The following SP140 variants were observed in gnomAD, a reference collection of about 807,000 sequenced individuals.
SP140 encodes SP140 nuclear body protein.
Under a neutral mutation model 125.0 loss-of-function variants are expected in SP140, and 81 were observed. That is an observed-to-expected ratio of 0.65 (90% CI 0.54 to 0.78). The LOEUF (loss-of-function observed/expected upper bound fraction) is 0.78. SP140 is among the 30% of genes least tolerant of loss of function. SP140 has a pLI of 0.00. For synonymous variants in SP140, 312 were observed against 354.0 expected, an observed-to-expected ratio of 0.88 and a Z score of 1.33; for missense variants, 858 against 1,037.0, an observed-to-expected ratio of 0.83 and a Z score of 2.37.
chr2:230,277,519 G>T (rs2054900682), intron 15 of SP140, among the ~76,000 whole-genome samples: 1 of 152,088 alleles, frequency 6.6e-6, no homozygotes, highest in Non-Finnish European at 1.5e-5. Context: ...TATTGCAGTG[G>T]TCTGAAACCA....
Position 230,247,653 on chromosome 2 carries a change from G to A in SP140, c.743-263G>A, listed in dbSNP as rs115158798. ...TCTACTTTAAATCAATAACTACTTG[G>A]GGTCATAAGGATTAAATCTATTTTT... On this transcript the variant is annotated intron_variant, in intron 7 of 26. Coordinates refer to ENST00000392045, the MANE Select transcript of SP140 (RefSeq NM_007237.5). 9.2e-3 allele frequency among the ~76,000 whole-genome samples: 1,404 copies of A among 152,206 alleles called. 17 individuals carry two copies. The highest frequency in any genetic ancestry group is 0.032 in the African/African-American group (1,313 of 41,512).
chr2:230,202,434 G>C, upstream of SP140: 1 of 734,938 alleles, frequency 1.4e-6, no homozygotes, highest in East Asian at 2.7e-5. Context: ...TGCTCTCTTT[G>C]TTCCTCTTGT....
At position 230,311,249 on chromosome 2, in the gene SP140, C is replaced by T. The variant is rs761863516; in HGVS notation, c.2361+18C>T. 1.3e-6 allele frequency: 2 copies of T among 1,587,752 alleles called. No individual in the cohort carries two copies. The highest frequency in any genetic ancestry group is 4.5e-5 in the East Asian group (2 of 44,598). On this transcript the variant is annotated intron_variant, in intron 25 of 26. Coordinates refer to ENST00000392045, the MANE Select transcript of SP140 (RefSeq NM_007237.5). ...ATTATTATGTAAGTAACAACAGCAA[C>T]CCATGATTACAGGCTGCCATGACAT...
At position 230,312,579 on chromosome 2, in the gene SP140, T is replaced by C. The variant is rs2059418188; in HGVS notation, c.2506-7T>C. 5.7e-6 allele frequency: 9 copies of C among 1,585,766 alleles called. No individual in the cohort carries two copies. Among genetic ancestry groups the C allele is most frequent in the Non-Finnish European group, 7.8e-6 (9 of 1,156,932 alleles). ...GAGCATTGTTTTTGTCTTTATTATT[T>C]TTTCAGTACAAGGATTTTGGCCAAA... On this transcript the variant is annotated splice_region_variant and splice_polypyrimidine_tract_variant and intron_variant, in intron 26 of 26. Transcript: ENST00000392045.
intron 1 of SP140, among the ~76,000 whole-genome samples, chr2:230,229,807 T>A (rs892513762): frequency 6.6e-6 from 1 of 152,106 alleles, no homozygotes; most frequent in African/African-American, 2.4e-5. Flanking sequence ...TCACAGGATA[T>A]GGAAGCCTAC....
chr2:230,302,244 AT>A (rs1431624102), intron 22 of SP140, among the ~76,000 whole-genome samples: 13 of 151,426 alleles, frequency 8.6e-5, no homozygotes, highest in Non-Finnish European at 1.9e-4. Context: ...AAAAAAAAAA[AT>A]TAGCTGGGCG....
intron 15 of SP140, among the ~76,000 whole-genome samples, chr2:230,283,207 T>C (rs1481845899): frequency 6.6e-6 from 1 of 152,182 alleles, no homozygotes; most frequent in Non-Finnish European, 1.5e-5. Flanking sequence ...ATCCTTGGGT[T>C]CTTCTGAAAG....
intron 19 of SP140, 107 bp from the exon 20 acceptor site, chr2:230,292,539 T>G: frequency 2.1e-6 from 3 of 1,432,724 alleles, no homozygotes; most frequent in Admixed American, 3.6e-5. Flanking sequence ...CTCCTGCTAT[T>G]GATCTGCATC....
In SP140 at chr2:230,225,897, A is replaced by G. The variant is rs746470007; in HGVS notation, c.53A>G (p.Asn18Ser). The G allele has an allele frequency of 9.3e-6, 15 of 1,613,474 alleles. No individual in the cohort carries two copies. In the African/African-American group the frequency reaches 1.6e-4, roughly 17 times the overall value. The change falls in exon 1 of 27, where the codon AAC (asparagine) becomes AGC (serine). Residue 18 changes from asparagine to serine, a missense_variant. Asn to Ser is a conservative substitution (Grantham distance 46). This residue lies in a region of SP140 where 791 missense variants were observed against 869.5 expected (regional missense o/e 0.91). Coordinates refer to ENST00000392045, the MANE Select transcript of SP140 (RefSeq NM_007237.5). ...GQMASGDSNL[N>S]FRMVAEIQNV... Reference sequence around the variant, plus strand: ...ATGGCAAGTGGAGACAGCAATCTCAACTTCAGGTGGGTCATCGTCTCCTTT... The same window carrying G: ...ATGGCAAGTGGAGACAGCAATCTCAGCTTCAGGTGGGTCATCGTCTCCTTT...
At chr2:230,209,185 G>A (rs535949893) in intron 1 of SP140, among the ~76,000 whole-genome samples, 2 of 152,320 alleles carry the variant, frequency 1.3e-5, no homozygotes, top group African/African-American at 4.8e-5. Context: ...TTAACTGTTG[G>A]GAAATCGAGC....
intron 3 of SP140, among the ~76,000 whole-genome samples, chr2:230,215,701 T>C (rs2045077021): frequency 6.6e-6 from 1 of 152,220 alleles, no homozygotes; most frequent in Non-Finnish European, 1.5e-5. Flanking sequence ...CTAGGCTCGG[T>C]CAGCGAGTCT....
At chr2:230,302,580 A>G (rs2058386099) in intron 22 of SP140, among the ~76,000 whole-genome samples, 1 of 152,256 alleles carries the variant, frequency 6.6e-6, no homozygotes, top group Non-Finnish European at 1.5e-5. Flanking sequence ...ATTACAGAAC[A>G]TTCTACCCAA....
At chr2:230,287,627 A>G (rs1365607962) in intron 17 of SP140, among the ~76,000 whole-genome samples, 2 of 152,212 alleles carry the variant, frequency 1.3e-5, no homozygotes, top group East Asian at 3.8e-4. Context: ...GGAATGAAGC[A>G]TTTATACTTT....
the SP140 span, among the ~76,000 whole-genome samples, chr2:230,195,828 G>A: frequency 7.2e-5 from 11 of 151,916 alleles, no homozygotes; most frequent in South Asian, 2.1e-4. Flanking sequence ...AAAACACCCC[G>A]ACACTATTAA....
At chr2:230,200,998 T>C (rs773736979), upstream of SP140, 1 of 1,521,846 alleles carries the variant, frequency 6.6e-7, no homozygotes, top group African/African-American at 1.4e-5. Context: ...AAATGCCCCT[T>C]GGGAAACACC....
chr2:230,276,858 A>C (rs779708975), intron 15 of SP140, among the ~76,000 whole-genome samples: 6 of 152,190 alleles, frequency 3.9e-5, no homozygotes. Context: ...AGTGTTCAAC[A>C]CATCAGTGAA....
upstream of SP140, among the ~76,000 whole-genome samples, chr2:230,220,935 C>A (rs2045759977): frequency 6.6e-6 from 1 of 151,972 alleles, no homozygotes; most frequent in Non-Finnish European, 1.5e-5. Context: ...TTGCTTGAGC[C>A]CAGGAGTTCA....
At chr2:230,233,523 T>G (rs958900729) in intron 1 of SP140, among the ~76,000 whole-genome samples, 2 of 152,220 alleles carry the variant, frequency 1.3e-5, no homozygotes, top group Non-Finnish European at 2.9e-5. Flanking sequence ...TATTTTTATA[T>G]TTTTAAAAAT....
intron 17 of SP140, 145 bp downstream of exon 17, chr2:230,285,977 A>C (rs2149447220): frequency 1.6e-6 from 1 of 625,040 alleles, no homozygotes; most frequent in East Asian, 2.8e-5. Flanking sequence ...GAGCAAACTC[A>C]TTATAAGCAG....
Sources: allele counts gnomAD v4.1 joint callset (sites outside exome capture counted in the v4.1 genomes callset), GRCh38; gene constraint gnomAD v4.1.1; regional missense constraint gnomAD v4.1.1; transcripts MANE v1.5; gene names NCBI Gene and HGNC (gene_info 2026-07-23, HGNC 2026-07-21).